Variants in MAP2K1 observed in about 807,000 individuals in gnomAD.
The protein encoded by MAP2K1 is mitogen-activated protein kinase kinase 1, also known as dual specificity mitogen-activated protein kinase kinase 1.
Under a neutral mutation model 46.3 loss-of-function variants are expected in MAP2K1, and 16 were observed. The ratio of observed to expected loss-of-function variants is 0.35; its 90% CI spans 0.23 to 0.52. MAP2K1 has a LOEUF of 0.52. Among genes scored for constraint, MAP2K1 ranks in the 20% least tolerant of loss-of-function variants. The pLI is 0.94. For synonymous variants in MAP2K1, 183 were observed against 185.6 expected, an observed-to-expected ratio of 0.99 and a Z score of 0.11; for missense variants, 263 against 497.1, an observed-to-expected ratio of 0.53 and a Z score of 4.48.
intron 1 of MAP2K1, among the ~76,000 whole-genome samples, chr15:66,410,547 T>C (rs1366490433): frequency 6.6e-6 from 1 of 152,194 alleles, no homozygotes; most frequent in East Asian, 1.9e-4. Flanking sequence ...ATTTTTGATA[T>C]ATAATCCAAA....
intron 1 of MAP2K1, among the ~76,000 whole-genome samples, chr15:66,426,360 C>CAA (rs35788598): frequency 0.13 from 17,583 of 138,250 alleles, 1,149 homozygotes; most frequent in Non-Finnish European, 0.15. Context: ...ATCAAGAAGA[C>CAA]AAAAAAAAAA....
At chr15:66,472,799 G>T (rs1892671336) in intron 5 of MAP2K1, among the ~76,000 whole-genome samples, 1 of 152,162 alleles carries the variant, frequency 6.6e-6, no homozygotes, top group South Asian at 2.1e-4. Context: ...ATTATGTTAA[G>T]CTGTGACCCA....
chr15:66,429,516 T>C (rs948975604), intron 1 of MAP2K1, among the ~76,000 whole-genome samples: 10 of 152,186 alleles, frequency 6.6e-5, no homozygotes, highest in Admixed American at 6.5e-5. Context: ...ACAGAGCACA[T>C]ATACACATTC....
chr15:66,418,313 C>G (rs17259816), intron 1 of MAP2K1, among the ~76,000 whole-genome samples: 8,573 of 152,206 alleles, frequency 0.056, 350 homozygotes, highest in Middle Eastern at 0.11. Context: ...TGCCTCAGTT[C>G]TGAGTTATGA....
rs148224079 is a variant in MAP2K1, at chr15:66,478,276, CATAT to C, written c.569-3469_569-3466del. On this transcript the variant is annotated intron_variant, in intron 5 of 10. Transcript: ENST00000307102. ...TAAAAATCTGTGTATATATATTTAA[CATAT>C]ATATATATACTATATATACCTGTAT... is the stretch of plus-strand genomic sequence containing the variant. Among the ~76,000 whole-genome samples, 16 of 143,850 alleles carry C rather than the reference CATAT, an allele frequency of 1.1e-4. No homozygotes were observed. The East Asian group carries it at 2.8e-3, about 25-fold the overall frequency. 94.4% of individuals were successfully genotyped at this position (143,850 alleles called of 152,430 possible).
At chr15:66,422,376 A>G (rs1281275294) in intron 1 of MAP2K1, among the ~76,000 whole-genome samples, 4 of 152,224 alleles carry the variant, frequency 2.6e-5, no homozygotes, top group African/African-American at 9.7e-5. Flanking sequence ...GGTTTAGACT[A>G]CATGTCCTGT....
intron 5 of MAP2K1, among the ~76,000 whole-genome samples, chr15:66,473,514 A>G (rs919782804): frequency 1.3e-5 from 2 of 151,702 alleles, no homozygotes; most frequent in Non-Finnish European, 2.9e-5. Context: ...ATATTACTGC[A>G]CTCCAGCCAA....
At position 66,481,899 on chromosome 15, in the gene MAP2K1, T is replaced by C. The variant is rs753107656; in HGVS notation, c.693+20T>C. The C allele has an allele frequency of 5.6e-6, 9 of 1,611,402 alleles. No individual in the cohort carries two copies. Among genetic ancestry groups the C allele is most frequent in the African/African-American group, 1.3e-5 (1 of 74,866 alleles). On this transcript the variant is annotated intron_variant, in intron 6 of 10. Coordinates refer to ENST00000307102, the MANE Select transcript of MAP2K1 (RefSeq NM_002755.4). The stretch of plus-strand genomic sequence containing the variant: ...ATGTCGGTATGAACAGAAGTTTCCA[T>C]TGCTTGAGCTTCTTGTACGGTCAGG...
intron 5 of MAP2K1, among the ~76,000 whole-genome samples, chr15:66,477,267 G>A (rs1892774909): frequency 1.3e-5 from 2 of 152,198 alleles, no homozygotes. Flanking sequence ...CAGATACAAG[G>A]ACAGCTAGAG....
chr15:66,457,251 G>A (rs1045691131), intron 5 of MAP2K1, among the ~76,000 whole-genome samples: 4 of 152,128 alleles, frequency 2.6e-5, no homozygotes, highest in African/African-American at 2.4e-5. Context: ...CCCAGGTAGC[G>A]GGGATCACAG....
intron 5 of MAP2K1, among the ~76,000 whole-genome samples, chr15:66,448,084 C>T (rs538975388): frequency 1.4e-4 from 19 of 139,380 alleles, no homozygotes; most frequent in African/African-American, 3.7e-4. Flanking sequence ...ACCTGGGAGA[C>T]GGAGGTTGCA....
intron 5 of MAP2K1, among the ~76,000 whole-genome samples, chr15:66,478,963 G>A (rs918897160): frequency 1.3e-5 from 2 of 152,206 alleles, no homozygotes; most frequent in East Asian, 1.9e-4. Flanking sequence ...GGTGATGACC[G>A]TTAGAGCATG....
At chr15:66,433,971 G>A (rs776172046) in intron 1 of MAP2K1, among the ~76,000 whole-genome samples, 2 of 152,206 alleles carry the variant, frequency 1.3e-5, no homozygotes, top group Non-Finnish European at 2.9e-5. Context: ...CAGGCAGGCT[G>A]CTCTCTGCCA....
chr15:66,477,237 C>A (rs904100366), intron 5 of MAP2K1, among the ~76,000 whole-genome samples: 3 of 152,204 alleles, frequency 2.0e-5, no homozygotes, highest in African/African-American at 7.2e-5. Flanking sequence ...AGGAGGCTTG[C>A]TTGCCATGTG....
Position 66,387,400 on chromosome 15 carries a change from C to T in MAP2K1, c.53C>T (p.Ser18Phe), listed in dbSNP as rs1349988835. 8 of 1,564,000 alleles carry T rather than the reference C, an allele frequency of 5.1e-6. No homozygotes were observed. In the Admixed American group the frequency reaches 1.5e-4, roughly 30 times the overall value. Residue 18 changes from serine to phenylalanine, a missense_variant, in exon 1 of 11, where the codon TCT becomes TTT. By Grantham distance (155) the Ser-to-Phe change is radical. Around this residue, in one of 4 missense-constraint regions of MAP2K1, gnomAD observed 31 missense variants for 29.9 expected, o/e 1.04. Transcript: ENST00000307102. ...PIQLNPAPDGSAVNGTSSAET... is the reference protein window; with the variant it reads ...PIQLNPAPDGFAVNGTSSAET... ...CAGCTGAACCCGGCCCCCGACGGCT[C>T]TGCAGTTAACGGGACCAGCTCTGCG...
At position 66,422,540 on chromosome 15, in the gene MAP2K1, A is replaced by G. The variant is rs1288498353; in HGVS notation, c.81-12487A>G. Among the ~76,000 whole-genome samples, 4 of 152,216 alleles carry G rather than the reference A, an allele frequency of 2.6e-5. No homozygotes were observed. In the South Asian group the frequency reaches 6.2e-4, roughly 24 times the overall value. ...GAAACTGAAACTGAGGTAGCCAAAGAAAACACTCTTAGGTGAAAATGAATT... is the reference window on the plus strand; with the variant it reads ...GAAACTGAAACTGAGGTAGCCAAAGGAAACACTCTTAGGTGAAAATGAATT... On this transcript the variant is annotated intron_variant, in intron 1 of 10. Transcript: ENST00000307102.
chr15:66,480,381 C>T (rs1892884956), intron 5 of MAP2K1, among the ~76,000 whole-genome samples: 1 of 152,100 alleles, frequency 6.6e-6, no homozygotes, highest in South Asian at 2.1e-4. Flanking sequence ...TGAGGCATCG[C>T]CCGGCTTTTG....
chr15:66,436,673 A>C, intron 2 of MAP2K1, 73 bp from the exon 3 acceptor site: 1 of 1,442,542 alleles, frequency 6.9e-7, no homozygotes, highest in Non-Finnish European at 9.7e-7. Context: ...TTAAACATTT[A>C]ACAAGACTAT....
At position 66,395,573 on chromosome 15, in the gene MAP2K1, A is replaced by AT. The variant is rs58172562; in HGVS notation, c.80+8165dup. Among the ~76,000 whole-genome samples the AT allele has an allele frequency of 6.1e-4, 60 of 98,556 alleles. 1 individual carries two copies. The highest frequency in any genetic ancestry group is 2.0e-3 in the African/African-American group (56 of 28,530). The allele number at this position is 98,556 out of a possible 152,430, so 64.7% of individuals were successfully genotyped here. ...ATGCCCTCCTCCACTTTCTTGCATG[A>AT]TTTTTTTTTTTTTTTTTTTGAGACG... On this transcript the variant is annotated intron_variant, in intron 1 of 10. Transcript: ENST00000307102.
Sources: allele counts gnomAD v4.1 joint callset (sites outside exome capture counted in the v4.1 genomes callset), GRCh38; gene constraint gnomAD v4.1.1; regional missense constraint gnomAD v4.1.1; transcripts MANE v1.5; gene names NCBI Gene and HGNC (gene_info 2026-07-23, HGNC 2026-07-21).